Variants in MMP16 observed in about 807,000 individuals in gnomAD.
MMP16 encodes the protein matrix metallopeptidase 16.
Under a neutral mutation model 67.8 loss-of-function variants are expected in MMP16, and 12 were observed. The observed-to-expected ratio is 0.18, with a 90% confidence interval of 0.11 to 0.29. The LOEUF (loss-of-function observed/expected upper bound fraction) is 0.29, where lower values mean the gene tolerates loss of function less well. MMP16 is among the 10% of genes least tolerant of loss of function. MMP16 has a pLI of 1.00. For synonymous variants in MMP16, 249 were observed against 255.9 expected, an observed-to-expected ratio of 0.97 and a Z score of 0.26; for missense variants, 475 against 765.7, an observed-to-expected ratio of 0.62 and a Z score of 4.48.
At chr8:88,305,880 A>G (rs1192949264) in intron 1 of MMP16, among the ~76,000 whole-genome samples, 1 of 152,152 alleles carries the variant, frequency 6.6e-6, no homozygotes, top group Non-Finnish European at 1.5e-5. Flanking sequence ...TAAAAGAACT[A>G]GAGAACCAGA....
intron 1 of MMP16, among the ~76,000 whole-genome samples, chr8:88,297,601 G>C (rs1419588155): frequency 3.3e-5 from 5 of 152,180 alleles, no homozygotes; most frequent in Non-Finnish European, 7.3e-5. Flanking sequence ...CAGTCAGGAT[G>C]GGGGCTGATT....
chr8:88,059,166 T>C (rs1808366057), intron 7 of MMP16, among the ~76,000 whole-genome samples: 1 of 152,062 alleles, frequency 6.6e-6, no homozygotes, highest in African/African-American at 2.4e-5. Context: ...CAAGCATATA[T>C]GTGGCATTTA....
chr8:88,161,566 A>T (rs547415703), intron 4 of MMP16, among the ~76,000 whole-genome samples: 1 of 151,652 alleles, frequency 6.6e-6, no homozygotes, highest in South Asian at 2.1e-4. Flanking sequence ...TTCTTCTCTG[A>T]TCTTAGTTAT....
intron 1 of MMP16, among the ~76,000 whole-genome samples, chr8:88,243,338 G>A (rs562482935): frequency 6.6e-6 from 1 of 152,270 alleles, no homozygotes; most frequent in African/African-American, 2.4e-5. Context: ...TTTGCCCACA[G>A]GAGTGAGCCA....
intron 6 of MMP16, among the ~76,000 whole-genome samples, chr8:88,115,994 T>C (rs1809421393): frequency 6.6e-6 from 1 of 152,112 alleles, no homozygotes; most frequent in Non-Finnish European, 1.5e-5. Flanking sequence ...CATTCATATG[T>C]AAAGTCAAAA....
intron 1 of MMP16, among the ~76,000 whole-genome samples, chr8:88,304,897 C>CA: frequency 6.6e-6 from 1 of 152,260 alleles, no homozygotes; most frequent in African/African-American, 2.4e-5. Flanking sequence ...AACAAGTCTG[C>CA]AAAATAACCA....
At chr8:88,213,776 G>A (rs1392003658) in intron 1 of MMP16, among the ~76,000 whole-genome samples, 1 of 152,106 alleles carries the variant, frequency 6.6e-6, no homozygotes, top group Non-Finnish European at 1.5e-5. Context: ...CTAGAAAAAG[G>A]AGTAATCACT....
intron 6 of MMP16, among the ~76,000 whole-genome samples, chr8:88,092,084 G>A (rs1808947878): frequency 6.6e-6 from 1 of 151,774 alleles, no homozygotes; most frequent in South Asian, 2.1e-4. Context: ...ATAATTCTAA[G>A]GCATTAGTGT....
At chr8:88,285,887 A>T (rs1183924975) in intron 1 of MMP16, among the ~76,000 whole-genome samples, 1 of 152,140 alleles carries the variant, frequency 6.6e-6, no homozygotes, top group African/African-American at 2.4e-5. Context: ...ACGTTTTGCC[A>T]TCTTATTTGT....
At chr8:88,204,084 A>G (rs1350574701) in intron 1 of MMP16, among the ~76,000 whole-genome samples, 5 of 152,204 alleles carry the variant, frequency 3.3e-5, no homozygotes, top group African/African-American at 1.2e-4. Flanking sequence ...ACCTATTCCA[A>G]CTGTCATAAT....
rs1010854546 is a variant in MMP16 at position 88,038,795 on chromosome 8, T to A, written c.*2666A>T. On this transcript the variant is annotated 3_prime_UTR_variant, in exon 10 of 10. Transcript: ENST00000286614. The surrounding 1 kb of genome is among the most constrained non-coding windows in gnomAD (Gnocchi z 4.1). The stretch of plus-strand genomic sequence containing the variant: ...AAGCACTGAAGTAAAGCTACAGGGC[T>A]GACTCTGGTTCTCATTTCTTGCTTT... The A allele has an allele frequency of 6.6e-6, 1 of 152,622 alleles. No individual in the cohort carries two copies. The highest frequency in any genetic ancestry group is 2.1e-4 in the South Asian group (1 of 4,834). 9.5% of individuals were successfully genotyped at this position (152,622 alleles called of 1,614,324 possible).
intron 1 of MMP16, among the ~76,000 whole-genome samples, chr8:88,249,881 G>C (rs1178156989): frequency 2.6e-5 from 4 of 152,060 alleles, no homozygotes. Flanking sequence ...AACTGGGAAA[G>C]GGCCAAGTTT....
chr8:88,315,876 T>C (rs753434946), intron 1 of MMP16, among the ~76,000 whole-genome samples: 5 of 152,100 alleles, frequency 3.3e-5, no homozygotes, highest in Non-Finnish European at 7.4e-5. Context: ...TTAGCCAAGT[T>C]GTAAATGCAA....
At chr8:88,045,362 T>C (rs770634048) in intron 9 of MMP16, among the ~76,000 whole-genome samples, 58 of 152,160 alleles carry the variant, frequency 3.8e-4, no homozygotes, top group Middle Eastern at 3.4e-3. Context: ...TTTTCTTATC[T>C]TTTTGTTTGT....
intron 4 of MMP16, among the ~76,000 whole-genome samples, chr8:88,134,117 A>C (rs1293095193): frequency 6.6e-6 from 1 of 151,778 alleles, no homozygotes; most frequent in Non-Finnish European, 1.5e-5. Context: ...TGAATATGCA[A>C]TTTTAAATTA....
chr8:88,285,445 A>T (rs964441747), intron 1 of MMP16, among the ~76,000 whole-genome samples: 5 of 152,108 alleles, frequency 3.3e-5, no homozygotes, highest in African/African-American at 7.2e-5. Flanking sequence ...CAGCTGACAG[A>T]AACTGTTTTT....
At chr8:88,300,629 A>G (rs1034259134) in intron 1 of MMP16, among the ~76,000 whole-genome samples, 2 of 152,204 alleles carry the variant, frequency 1.3e-5, no homozygotes, top group African/African-American at 4.8e-5. Context: ...TTTATAAGTT[A>G]AACTTTACCA....
intron 1 of MMP16, among the ~76,000 whole-genome samples, chr8:88,207,922 G>A (rs1161668710): frequency 2.0e-5 from 3 of 152,178 alleles, no homozygotes; most frequent in Admixed American, 6.6e-5. Flanking sequence ...AAAGCAAAAG[G>A]AAGGTGAAGG....
At chr8:88,323,619 A>T (rs574297924) in intron 1 of MMP16, among the ~76,000 whole-genome samples, 50 of 152,172 alleles carry the variant, frequency 3.3e-4, no homozygotes, top group South Asian at 1.0e-3. Flanking sequence ...CAGCTTGAAA[A>T]TTTTTTCCTC....
Sources: gnomAD v4.1 joint callset for allele counts (sites outside exome capture counted in the v4.1 genomes callset) on GRCh38, gnomAD v4.1.1 for gene constraint, Gnocchi (gnomAD v3.1) non-coding constraint, MANE v1.5 for transcripts, NCBI Gene and HGNC (gene_info 2026-07-23, HGNC 2026-07-21) for gene names.